EYA4: variants seen among roughly 807,000 people sequenced by gnomAD.
The protein encoded by EYA4 is EYA transcriptional coactivator and phosphatase 4, also known as protein phosphatase EYA4.
EYA4 carries 31 observed loss-of-function variants against 87.9 expected under a neutral mutation model. That is an observed-to-expected ratio of 0.35 (90% confidence interval 0.27 to 0.48). The LOEUF (loss-of-function observed/expected upper bound fraction) is 0.48. Ranked by LOEUF, EYA4 falls within the 20% of genes least tolerant of loss-of-function variation. EYA4 has a pLI of 0.99. For missense variants in EYA4, 678 were observed against 761.4 expected (o/e 0.89, Z 1.29); for synonymous variants, 263 against 270.6 (o/e 0.97, Z 0.28).
chr6:133,467,592 G>C (rs915681078), intron 10 of EYA4, among the ~76,000 whole-genome samples: 1 of 151,888 alleles, frequency 6.6e-6, no homozygotes, highest in Non-Finnish European at 1.5e-5. Context: ...TAGAATTTTA[G>C]TTTTCTGCCA....
At chr6:133,467,135 T>C (rs915909754) in intron 10 of EYA4, among the ~76,000 whole-genome samples, 37 of 152,136 alleles carry the variant, frequency 2.4e-4, no homozygotes, top group Admixed American at 1.0e-3. Context: ...TGTTTGAATA[T>C]GAAAAGACAT....
At chr6:133,374,746 T>C (rs1396682517) in intron 2 of EYA4, among the ~76,000 whole-genome samples, 1 of 151,908 alleles carries the variant, frequency 6.6e-6, no homozygotes, top group Non-Finnish European at 1.5e-5. Flanking sequence ...AAAAGTGATA[T>C]AGTAAGAAAA....
chr6:133,448,326 T>TAATA, intron 5 of EYA4, 147 bp downstream of exon 5: 1 of 701,448 alleles, frequency 1.4e-6, no homozygotes, highest in Non-Finnish European at 2.6e-6. Context: ...AGTTGTTTAT[T>TAATA]GACAGCAGTT....
chr6:133,400,653 C>T (rs1029549508), intron 3 of EYA4, among the ~76,000 whole-genome samples: 6 of 151,960 alleles, frequency 3.9e-5, no homozygotes, highest in African/African-American at 1.5e-4. Flanking sequence ...AAGGGTATCC[C>T]AGTCAATTAA....
rs562996787 is a variant in EYA4, at chr6:133,353,689, A to G, written c.34-28703A>G. On this transcript the variant is annotated intron_variant, in intron 2 of 19. Coordinates refer to ENST00000355286, the MANE Select transcript of EYA4 (RefSeq NM_004100.5). ...TTCATGACTAGGCATAGGAATACTTAAAAAGACTTAGCCAAACACATCCTC... is the reference window on the plus strand; with the variant it reads ...TTCATGACTAGGCATAGGAATACTTGAAAAGACTTAGCCAAACACATCCTC... 4.6e-5 allele frequency among the ~76,000 whole-genome samples: 7 copies of G among 152,274 alleles called. No homozygotes were observed. The East Asian group carries it at 7.7e-4, about 17-fold the overall frequency.
chr6:133,529,747 A>G lies in EYA4; in HGVS notation c.*942A>G. Reference sequence around the variant, plus strand: ...TCCAACCATGAGTGGAAGGTTTGGGAAAGACTGTGGGACCTTTACTTAGAA... The same window carrying G: ...TCCAACCATGAGTGGAAGGTTTGGGGAAGACTGTGGGACCTTTACTTAGAA... On this transcript the variant is annotated 3_prime_UTR_variant, in exon 20 of 20. Coordinates refer to ENST00000355286, the MANE Select transcript of EYA4 (RefSeq NM_004100.5). 1 of 985,258 alleles carries G rather than the reference A, an allele frequency of 1.0e-6. No individual in the cohort carries two copies. The highest frequency in any genetic ancestry group is 1.2e-6 in the Non-Finnish European group (1 of 829,800). The allele number at this position is 985,258 out of a possible 1,614,324, so 61.0% of individuals were successfully genotyped here.
At chr6:133,386,732 C>T (rs1786781503) in intron 3 of EYA4, among the ~76,000 whole-genome samples, 1 of 152,050 alleles carries the variant, frequency 6.6e-6, no homozygotes, top group African/African-American at 2.4e-5. Flanking sequence ...CAGCTCTTGT[C>T]CTTTAGTAGC....
chr6:133,504,161 G>T (rs1798384423), intron 13 of EYA4, among the ~76,000 whole-genome samples: 1 of 152,142 alleles, frequency 6.6e-6, no homozygotes, highest in Non-Finnish European at 1.5e-5. Context: ...CAAATGGTCT[G>T]CCTGCCTCAG....
chr6:133,269,196 T>C (rs1279442441), intron 1 of EYA4, among the ~76,000 whole-genome samples: 1 of 152,048 alleles, frequency 6.6e-6, no homozygotes, highest in Non-Finnish European at 1.5e-5. Flanking sequence ...GAGGCAGAGG[T>C]CGCAGTGAGC....
At chr6:133,513,140 A>G in intron 16 of EYA4, 102 bp downstream of exon 16, 1 of 1,251,288 alleles carries the variant, frequency 8.0e-7, no homozygotes, top group East Asian at 2.4e-5. Context: ...AGAAACAAGC[A>G]AAAGCTCATA....
At chr6:133,479,133 G>A (rs189665147) in intron 11 of EYA4, among the ~76,000 whole-genome samples, 13 of 152,186 alleles carry the variant, frequency 8.5e-5, no homozygotes, top group Admixed American at 4.6e-4. Context: ...TGGTTTGTGG[G>A]ATATAGTAAC....
rs184998781 is a variant in EYA4 at position 133,397,675 on chromosome 6, C to T, written c.83+15234C>T. 2.0e-5 allele frequency among the ~76,000 whole-genome samples: 3 copies of T among 152,238 alleles called. No homozygotes were observed. In the East Asian group the frequency reaches 5.8e-4, roughly 29 times the overall value. On this transcript the variant is annotated intron_variant, in intron 3 of 19. Transcript: ENST00000355286. Reference sequence around the variant, plus strand: ...CCCATGTGTATTAGTTTTCACACTGCTGATAAAGACATACTCAAGACTGGG... The same window carrying T: ...CCCATGTGTATTAGTTTTCACACTGTTGATAAAGACATACTCAAGACTGGG...
At chr6:133,482,678 G>A (rs986119956) in intron 12 of EYA4, among the ~76,000 whole-genome samples, 2 of 152,138 alleles carry the variant, frequency 1.3e-5, no homozygotes, top group African/African-American at 4.8e-5. Flanking sequence ...TGCAGAAATT[G>A]TAAAAGTTTA....
intron 12 of EYA4, among the ~76,000 whole-genome samples, chr6:133,482,253 G>C (rs2128709376): frequency 6.6e-6 from 1 of 152,328 alleles, no homozygotes; most frequent in East Asian, 1.9e-4. Flanking sequence ...AAAATCAAGT[G>C]ACAGACGTTG....
At chr6:133,379,512 C>T (rs1418011493) in intron 2 of EYA4, among the ~76,000 whole-genome samples, 1 of 151,978 alleles carries the variant, frequency 6.6e-6, no homozygotes, top group Non-Finnish European at 1.5e-5. Flanking sequence ...ATAAAATAAC[C>T]TTTTTTGTCT....
At chr6:133,415,310 G>A (rs1017629101) in intron 3 of EYA4, among the ~76,000 whole-genome samples, 3 of 152,148 alleles carry the variant, frequency 2.0e-5, no homozygotes, top group Admixed American at 6.5e-5. Flanking sequence ...AAACCCTCCA[G>A]TAGTTCCCCA....
At chr6:133,376,453 A>G (rs184422151) in intron 2 of EYA4, among the ~76,000 whole-genome samples, 1 of 151,846 alleles carries the variant, frequency 6.6e-6, no homozygotes, top group African/African-American at 2.4e-5. Flanking sequence ...TCCAAAAGAG[A>G]TCTTTTGAAA....
intron 3 of EYA4, among the ~76,000 whole-genome samples, chr6:133,432,948 C>T (rs912999681): frequency 6.6e-6 from 1 of 151,102 alleles, no homozygotes; most frequent in Non-Finnish European, 1.5e-5. Context: ...TATTTGGAAA[C>T]CCATCTACAC....
At position 133,446,815 on chromosome 6, in the gene EYA4, T is replaced by TC. The variant is rs2128623158; in HGVS notation, c.208+62dup. On this transcript the variant is annotated intron_variant, in intron 4 of 19. Transcript: ENST00000355286. ...TTTCAATGTTTGCTTTAATTTTACT[T>TC]CTTAGAGATCTGCTAATAAATAAAT... 2.5e-5 allele frequency: 36 copies of TC among 1,448,558 alleles called. 1 individual carries two copies. In the South Asian group the frequency reaches 4.1e-4, roughly 17 times the overall value. The allele number at this position is 1,448,558 out of a possible 1,614,324, so 89.7% of individuals were successfully genotyped here.
Sources: gnomAD v4.1 joint callset for allele counts (sites outside exome capture counted in the v4.1 genomes callset) on GRCh38, gnomAD v4.1.1 for gene constraint, MANE v1.5 for transcripts, NCBI Gene and HGNC (gene_info 2026-07-23, HGNC 2026-07-21) for gene names.